Variants in PCDH9 observed in about 807,000 individuals in gnomAD.
PCDH9 encodes the protein protocadherin 9.
In PCDH9, 24 loss-of-function variants were observed where a neutral mutation model predicts 70.6. The observed-to-expected ratio is 0.34, with a 90% CI of 0.25 to 0.48. PCDH9 has a LOEUF of 0.48. Among genes scored for constraint, PCDH9 ranks in the 20% least tolerant of loss-of-function variants. PCDH9 has a pLI of 0.99. For missense variants in PCDH9, 1,281 were observed against 1,503.6 expected, an observed-to-expected ratio of 0.85 and a Z score of 2.45; for synonymous variants, 562 against 558.5, an observed-to-expected ratio of 1.01 and a Z score of -0.09.
At chr13:67,152,211 A>G (rs976063368) in intron 2 of PCDH9, among the ~76,000 whole-genome samples, 10 of 152,172 alleles carry the variant, frequency 6.6e-5, no homozygotes, top group Admixed American at 6.5e-4. Flanking sequence ...TTTACTGTTG[A>G]TAGGAAACGG....
intron 2 of PCDH9, among the ~76,000 whole-genome samples, chr13:66,937,983 T>C (rs2082944886): frequency 6.6e-6 from 1 of 152,236 alleles, no homozygotes; most frequent in African/African-American, 2.4e-5. Flanking sequence ...TCATGCCTAA[T>C]GCCTGGCTTG....
intron 2 of PCDH9, 69 bp downstream of exon 2, chr13:67,225,336 G>A: frequency 6.7e-7 from 1 of 1,483,618 alleles, no homozygotes; most frequent in Non-Finnish European, 9.4e-7. Flanking sequence ...TAGACATACT[G>A]GCACGTTAAT....
At chr13:66,614,313 T>A (rs1464997954) in intron 4 of PCDH9, among the ~76,000 whole-genome samples, 1 of 152,158 alleles carries the variant, frequency 6.6e-6, no homozygotes, top group Non-Finnish European at 1.5e-5. Flanking sequence ...GCAGAAGAGG[T>A]TCTCTGTGTG....
chr13:66,524,511 T>C (rs1960131687), intron 4 of PCDH9, among the ~76,000 whole-genome samples: 1 of 152,112 alleles, frequency 6.6e-6, no homozygotes, highest in South Asian at 2.1e-4. Flanking sequence ...CTGACAAACC[T>C]GGCAAATTTC....
chr13:67,091,849 C>G (rs894214902), intron 2 of PCDH9, among the ~76,000 whole-genome samples: 2 of 152,064 alleles, frequency 1.3e-5, no homozygotes, highest in Non-Finnish European at 2.9e-5. Context: ...CAAGTGACTC[C>G]TAAGAAATAA....
chr13:66,917,204 A>G (rs1427335883), intron 2 of PCDH9, among the ~76,000 whole-genome samples: 1 of 151,454 alleles, frequency 6.6e-6, no homozygotes, highest in Non-Finnish European at 1.5e-5. Context: ...TGCTCAATTT[A>G]TTCTTCATGT....
At chr13:66,846,149 A>AAC (rs2081205547) in intron 3 of PCDH9, among the ~76,000 whole-genome samples, 1 of 151,810 alleles carries the variant, frequency 6.6e-6, no homozygotes, top group African/African-American at 2.4e-5. Flanking sequence ...AAAAAAAAAA[A>AAC]AAACAGCTTA....
intron 4 of PCDH9, among the ~76,000 whole-genome samples, chr13:66,329,770 A>G (rs1481832001): frequency 6.6e-6 from 1 of 152,204 alleles, no homozygotes; most frequent in Non-Finnish European, 1.5e-5. Context: ...ATGTAATTGT[A>G]CACAGGTAGG....
At chr13:66,895,223 T>C (rs1451324366) in intron 3 of PCDH9, among the ~76,000 whole-genome samples, 1 of 152,228 alleles carries the variant, frequency 6.6e-6, no homozygotes, top group Non-Finnish European at 1.5e-5. Context: ...GATTTGTCAA[T>C]GTGTACTTCT....
chr13:66,325,378 G>A (rs1448894038), intron 4 of PCDH9, among the ~76,000 whole-genome samples: 1 of 152,038 alleles, frequency 6.6e-6, no homozygotes, highest in African/African-American at 2.4e-5. Flanking sequence ...AGGCATTCAT[G>A]ATGTCTCTAG....
chr13:66,368,478 C>A (rs781736073), intron 4 of PCDH9, among the ~76,000 whole-genome samples: 172 of 151,636 alleles, frequency 1.1e-3, no homozygotes, highest in Non-Finnish European at 1.5e-3. Context: ...AGTGATATAA[C>A]CTTCCCTATA....
intron 3 of PCDH9, among the ~76,000 whole-genome samples, chr13:66,801,385 G>T (rs2080324226): frequency 6.6e-6 from 1 of 152,042 alleles, no homozygotes; most frequent in Admixed American, 6.6e-5. Context: ...CAAGGTCAGA[G>T]AATCAAATGC....
chr13:67,150,690 T>C (rs1170989013), intron 2 of PCDH9, among the ~76,000 whole-genome samples: 1 of 152,134 alleles, frequency 6.6e-6, no homozygotes, highest in East Asian at 1.9e-4. Flanking sequence ...TAGAAAACCA[T>C]TTGCAACTAA....
chr13:66,920,147 A>T (rs1260041083), intron 2 of PCDH9, among the ~76,000 whole-genome samples: 2 of 151,176 alleles, frequency 1.3e-5, no homozygotes, highest in African/African-American at 2.4e-5. Flanking sequence ...CATGTAAGAG[A>T]TATGACTTAA....
chr13:67,024,697 G>A (rs973351328), intron 2 of PCDH9, among the ~76,000 whole-genome samples: 3 of 151,640 alleles, frequency 2.0e-5, no homozygotes, highest in African/African-American at 7.3e-5. Flanking sequence ...TACTTAGCAG[G>A]GCTTTATTTA....
In PCDH9 at chr13:67,195,394, C is replaced by T. The variant is rs939282490; in HGVS notation, c.3036+30011G>A. ...TCCTGACCCTGTGATCCACCCGCCT[C>T]GGCCTCCCAAAGTGCTGGGATTACA... is the stretch of plus-strand genomic sequence containing the variant. On this transcript the variant is annotated intron_variant, in intron 2 of 4. Coordinates refer to ENST00000377865, the MANE Select transcript of PCDH9 (RefSeq NM_203487.3). Among the ~76,000 whole-genome samples, 5 of 152,228 alleles carry T rather than the reference C, an allele frequency of 3.3e-5. No individual in the cohort carries two copies. In the South Asian group the frequency reaches 8.3e-4, roughly 25 times the overall value.
At chr13:66,488,485 C>T (rs1958982502) in intron 4 of PCDH9, among the ~76,000 whole-genome samples, 3 of 151,886 alleles carry the variant, frequency 2.0e-5, no homozygotes, top group African/African-American at 2.4e-5. Context: ...AGTGATAAAT[C>T]GTGAAGCAAA....
At chr13:66,693,484 AAATTAGTAAAT>A (rs1464838026) in intron 3 of PCDH9, among the ~76,000 whole-genome samples, 1 of 152,194 alleles carries the variant, frequency 6.6e-6, no homozygotes, top group East Asian at 1.9e-4. Flanking sequence ...CTTGGTGATA[AAATTAGTAAAT>A]GATCATAATT....
chr13:66,666,056 T>G (rs1013906205), intron 3 of PCDH9, among the ~76,000 whole-genome samples: 1 of 152,162 alleles, frequency 6.6e-6, no homozygotes, highest in South Asian at 2.1e-4. Flanking sequence ...ACAGATACTG[T>G]TGCAAATGAA....
Sources: gnomAD v4.1 joint callset for allele counts (sites outside exome capture counted in the v4.1 genomes callset) on GRCh38, gnomAD v4.1.1 for gene constraint, MANE v1.5 for transcripts, NCBI Gene and HGNC (gene_info 2026-07-23, HGNC 2026-07-21) for gene names.